Variants in HUWE1 observed in about 807,000 individuals in gnomAD.
The protein encoded by HUWE1 is HECT, UBA and WWE domain containing E3 ubiquitin protein ligase 1, also known as E3 ubiquitin-protein ligase HUWE1.
HUWE1 carries 18 observed loss-of-function variants against 299.4 expected under a neutral mutation model. The observed-to-expected ratio is 0.06, with a 90% CI of 0.04 to 0.09. The LOEUF (loss-of-function observed/expected upper bound fraction) is 0.09. Among genes scored for constraint, HUWE1 ranks in the 10% least tolerant of loss-of-function variants. The probability of loss-of-function intolerance (pLI) is 1.00; values close to 1 mark genes in which losing one functional copy is unlikely to be tolerated. For synonymous variants in HUWE1, 1,317 were observed against 1,286.1 expected, an observed-to-expected ratio of 1.02 and a Z score of -0.51; for missense variants, 1,832 against 3,462.3, an observed-to-expected ratio of 0.53 and a Z score of 11.82.
chrX:53,643,021 A>G (rs1557032445), intron 7 of HUWE1, among the ~76,000 whole-genome samples: 3 of 112,456 alleles, frequency 2.7e-5, no homozygotes, highest in Non-Finnish European at 5.6e-5. Flanking sequence ...CCAGAATGTT[A>G]TTTAACTACA....
At chrX:53,599,427 A>AT (rs2064695853) in intron 29 of HUWE1, among the ~76,000 whole-genome samples, 1 of 111,760 alleles carries the variant, frequency 8.9e-6, no homozygotes, top group South Asian at 3.8e-4. Flanking sequence ...TTTCCTCTAT[A>AT]TTAAGGTGCC....
intron 55 of HUWE1, among the ~76,000 whole-genome samples, chrX:53,560,718 T>C (rs2062245061): frequency 8.9e-6 from 1 of 111,828 alleles, no homozygotes; most frequent in Admixed American, 9.5e-5. Context: ...CCTTGAAGAC[T>C]CCTCTCCCGC....
At chrX:53,674,815 G>A (rs1163424637) in intron 3 of HUWE1, among the ~76,000 whole-genome samples, 1 of 111,537 alleles carries the variant, frequency 9.0e-6, no homozygotes, top group South Asian at 3.7e-4. Flanking sequence ...CAATGACTAC[G>A]TCCTCAATAA....
In HUWE1 at chrX:53,594,012, GCATGAACCCGGGAGGCGGA is replaced by G. The variant is rs782592934; in HGVS notation, c.3504-430_3504-412del. ...CTCGGGAGGCTGAGACAGGAGAATG[GCATGAACCCGGGAGGCGGA>G]CCTTGCAGTGAGTTGAGTTTGCGCC... On this transcript the variant is annotated intron_variant, in intron 31 of 83. Coordinates refer to ENST00000262854, the MANE Select transcript of HUWE1 (RefSeq NM_031407.7). Among the ~76,000 whole-genome samples the G allele has an allele frequency of 9.0e-5, 10 of 110,948 alleles. No homozygotes were observed. In the East Asian group the frequency reaches 2.8e-3, roughly 31 times the overall value.
At chrX:53,656,302 G>C (rs1048806466) in intron 3 of HUWE1, among the ~76,000 whole-genome samples, 1 of 109,506 alleles carries the variant, frequency 9.1e-6, no homozygotes, top group Non-Finnish European at 1.9e-5. Context: ...CTTGAAACTA[G>C]GAGGCGGAGG....
chrX:53,545,279 T>C (rs1028657521), intron 70 of HUWE1, 118 bp from the exon 71 acceptor site: 2 of 714,069 alleles, frequency 2.8e-6, no homozygotes, highest in Non-Finnish European at 4.3e-6. Context: ...GCAGAGAACC[T>C]AGAGTGAGCT....
chrX:53,684,070 A>AC, intron 2 of HUWE1: 1 of 269,158 alleles, frequency 3.7e-6, no homozygotes, highest in Non-Finnish European at 6.6e-6. Context: ...CCCTTTCCAG[A>AC]CCCCTCCTCC....
rs2060827304 is a variant in HUWE1 at position 53,532,743 on chromosome X, T to G, written c.*566A>C. The G allele has an allele frequency of 9.3e-6, 1 of 107,769 alleles. No homozygotes were observed. The highest frequency in any genetic ancestry group is 3.4e-5 in the African/African-American group (1 of 29,468). The allele number at this position is 107,769 out of a possible 1,213,427, so 8.9% of individuals were successfully genotyped here. A position where few individuals can be genotyped will look rare whatever the true frequency, so the allele number is the denominator to read the frequency against. On this transcript the variant is annotated 3_prime_UTR_variant, in exon 84 of 84. Transcript: ENST00000262854. Reference sequence around the variant, plus strand: ...CAGATGCCTAGCATGTGCTTAAGAGTTTTTTGTTTTTTTTTTTAAGTTTGA... The same window carrying G: ...CAGATGCCTAGCATGTGCTTAAGAGGTTTTTGTTTTTTTTTTTAAGTTTGA...
intron 7 of HUWE1, 76 bp downstream of exon 7, chrX:53,645,235 A>T: frequency 9.6e-7 from 1 of 1,044,652 alleles, no homozygotes; most frequent in Non-Finnish European, 1.3e-6. Context: ...ATATTTTAAC[A>T]CTCCAAGAAA....
intron 17 of HUWE1, chrX:53,625,581 A>T: frequency 4.7e-6 from 1 of 214,542 alleles, no homozygotes; most frequent in South Asian, 8.8e-5. Flanking sequence ...TTTGATAATC[A>T]ATGTGCAAAT....
At chrX:53,627,974 G>C in intron 15 of HUWE1, 95 bp from the exon 16 acceptor site, 2 of 788,677 alleles carry the variant, frequency 2.5e-6, no homozygotes. Context: ...TGGGGCCTCA[G>C]TAAGGCAGCA....
chrX:53,660,854 G>T (rs1400231155), intron 3 of HUWE1, among the ~76,000 whole-genome samples: 2 of 102,854 alleles, frequency 1.9e-5, no homozygotes, highest in Non-Finnish European at 4.1e-5. Context: ...GCTACCTAGG[G>T]AATTCATATG....
rs1175050260 is a variant in HUWE1 at position 53,555,636 on chromosome X, CTT to C, written c.8207-718_8207-717del. Among the ~76,000 whole-genome samples, 347 of 75,237 alleles carry C rather than the reference CTT, an allele frequency of 4.6e-3. 2 individuals are homozygous for C. The highest frequency in any genetic ancestry group is 0.017 in the African/African-American group (329 of 19,412). The allele number at this position is 75,237 out of a possible 115,157, so 65.3% of individuals were successfully genotyped here. A position where few individuals can be genotyped will look rare whatever the true frequency, so the allele number is the denominator to read the frequency against. Reference sequence around the variant, plus strand: ...GCCACTGCGTCCAGCCCTTCAAAATCTTTTTTTTTTTTTTTTTTTTCCTGAGA... The same window carrying C: ...GCCACTGCGTCCAGCCCTTCAAAATCTTTTTTTTTTTTTTTTTTCCTGAGA... On this transcript the variant is annotated intron_variant, in intron 60 of 83. Coordinates refer to ENST00000262854, the MANE Select transcript of HUWE1 (RefSeq NM_031407.7).
Position 53,597,963 on chromosome X carries a change from A to C in HUWE1, c.3163+2155T>G, listed in dbSNP as rs2064589250. 2.7e-5 allele frequency among the ~76,000 whole-genome samples: 3 copies of C among 111,999 alleles called. No individual in the cohort carries two copies. In the South Asian group the frequency reaches 1.1e-3, roughly 42 times the overall value. On this transcript the variant is annotated intron_variant, in intron 29 of 83. Transcript: ENST00000262854. ...AGAAAACTGTCCTGATATTGTGCAG[A>C]ACTTAACAGGATTTATGACAGCGCC...
At chrX:53,634,776 A>C (rs1430416485) in intron 7 of HUWE1, among the ~76,000 whole-genome samples, 1 of 112,463 alleles carries the variant, frequency 8.9e-6, no homozygotes, top group Non-Finnish European at 1.9e-5. Flanking sequence ...TCTTTTTGAC[A>C]TGAGCTGAGT....
intron 46 of HUWE1, 127 bp downstream of exon 46, chrX:53,575,028 T>C (rs2063030650): frequency 1.9e-6 from 1 of 536,088 alleles, no homozygotes; most frequent in Non-Finnish European, 3.3e-6. Flanking sequence ...CTGAGAAAGT[T>C]CACTTAGACC....
intron 43 of HUWE1, among the ~76,000 whole-genome samples, 169 bp from the exon 44 acceptor site, chrX:53,577,236 T>TA (rs782192486): frequency 7.7e-4 from 85 of 110,992 alleles, no homozygotes; most frequent in African/African-American, 2.6e-3. Context: ...ATACTTTCCT[T>TA]AAATTCCACA....
intron 67 of HUWE1, 134 bp downstream of exon 67, chrX:53,548,825 C>T: frequency 1.8e-6 from 1 of 561,679 alleles, no homozygotes; most frequent in Non-Finnish European, 3.0e-6. Flanking sequence ...AGGACAATCC[C>T]CTAGAAACAA....
intron 2 of HUWE1, chrX:53,684,123 A>T: frequency 3.9e-6 from 1 of 257,248 alleles, no homozygotes; most frequent in Non-Finnish European, 7.0e-6. Context: ...CCCTACGCGA[A>T]GCGAAAAGCA....
Sources: allele counts gnomAD v4.1 joint callset (sites outside exome capture counted in the v4.1 genomes callset), GRCh38; gene constraint gnomAD v4.1.1; transcripts MANE v1.5; gene names NCBI Gene and HGNC (gene_info 2026-07-23, HGNC 2026-07-21).